Variants in KLRD1 observed in about 807,000 individuals in gnomAD.
KLRD1 encodes natural killer cells antigen CD94.
A neutral mutation model predicts 22.6 loss-of-function variants in KLRD1; 21 were observed. The observed-to-expected ratio is 0.93, with a 90% CI of 0.66 to 1.34. KLRD1 has a LOEUF of 1.34. Ranked by LOEUF, KLRD1 falls within the 40% of genes most tolerant of loss-of-function variation. KLRD1 has a pLI of 0.00. For missense variants in KLRD1, 183 were observed against 208.6 expected (o/e 0.88, Z 0.76); for synonymous variants, 59 against 71.1 (o/e 0.83, Z 0.85).
At chr12:10,255,512 G>A (rs1354558793) in intron 1 of KLRD1, among the ~76,000 whole-genome samples, 2 of 151,998 alleles carry the variant, frequency 1.3e-5, no homozygotes, top group Non-Finnish European at 1.5e-5. Flanking sequence ...GTTGCATCCC[G>A]TATGTTTTGG....
chr12:10,270,849 T>C (rs1949542832), intron 1 of KLRD1, among the ~76,000 whole-genome samples: 1 of 151,600 alleles, frequency 6.6e-6, no homozygotes, highest in Non-Finnish European at 1.5e-5. Context: ...AGTGGCGTGA[T>C]CTTGGCTCAT....
intron 1 of KLRD1, among the ~76,000 whole-genome samples, chr12:10,254,824 C>T (rs1002317641): frequency 4.5e-5 from 6 of 132,124 alleles, no homozygotes; most frequent in African/African-American, 1.4e-4. Context: ...ACCCAGGAGG[C>T]GGAGATTGCA....
At chr12:10,311,410 G>A (rs1448486566) in intron 3 of KLRD1, 54 bp from the exon 4 acceptor site, 1 of 1,530,724 alleles carries the variant, frequency 6.5e-7, no homozygotes, top group African/African-American at 1.4e-5. Flanking sequence ...AAATAGCATT[G>A]AAAAAAATGT....
chr12:10,270,118 G>A (rs1949536446), intron 1 of KLRD1, among the ~76,000 whole-genome samples: 1 of 151,952 alleles, frequency 6.6e-6, no homozygotes, highest in South Asian at 2.1e-4. Flanking sequence ...ATAGAATACT[G>A]GTACTATTTT....
In KLRD1 at chr12:10,293,695, A is replaced by T. The variant is rs949359651; in HGVS notation, c.-100-14283A>T. On this transcript the variant is annotated intron_variant, in intron 1 of 5. Transcript: ENST00000544747. ...GAGACAGGAAGTGAGCACATGCTTTAAAAAAAAAATGGCACTGATAGACTT... is the reference window on the plus strand; with the variant it reads ...GAGACAGGAAGTGAGCACATGCTTTTAAAAAAAAATGGCACTGATAGACTT... Among the ~76,000 whole-genome samples the T allele has an allele frequency of 5.3e-5, 8 of 150,342 alleles. 1 individual carries two copies. The highest frequency in any genetic ancestry group is 1.5e-4 in the African/African-American group (6 of 40,848).
chr12:10,312,055 T>TC (rs1175156769), intron 4 of KLRD1, among the ~76,000 whole-genome samples: 1 of 144,092 alleles, frequency 6.9e-6, no homozygotes. Context: ...TCTTTTCTTT[T>TC]TTTTTTTTTT....
At chr12:10,242,915 T>C (rs1057036945) in intron 1 of KLRD1, among the ~76,000 whole-genome samples, 6 of 152,214 alleles carry the variant, frequency 3.9e-5, no homozygotes, top group African/African-American at 1.4e-4. Context: ...TTTAAAAATG[T>C]GGTATATATA....
chr12:10,299,976 C>T (rs747785253), upstream of KLRD1, among the ~76,000 whole-genome samples: 1 of 152,292 alleles, frequency 6.6e-6, no homozygotes, highest in South Asian at 2.1e-4. Context: ...TGCAATTCCG[C>T]CACGACTTCA....
chr12:10,324,868 G>A lies in KLRD1; in HGVS notation c.*10075G>A, dbSNP rs1366616983. 9.8e-6 allele frequency: 1 copy of A among 102,182 alleles called. No homozygotes were observed. Among genetic ancestry groups the A allele is most frequent in the African/African-American group, 3.2e-5 (1 of 31,178 alleles). 6.3% of individuals were successfully genotyped at this position (102,182 alleles called of 1,614,324 possible). A position where few individuals can be genotyped will look rare whatever the true frequency, so the allele number is the denominator to read the frequency against. On this transcript the variant is annotated 3_prime_UTR_variant, in exon 6 of 6. Transcript: ENST00000336164. Reference sequence around the variant, plus strand: ...TTCATTTACACAGTTGATTCTAAGTGTATCTTTTATTGTTTAACCTGCCTA... The same window carrying A: ...TTCATTTACACAGTTGATTCTAAGTATATCTTTTATTGTTTAACCTGCCTA...
At chr12:10,254,999 A>G (rs1471468825) in intron 1 of KLRD1, among the ~76,000 whole-genome samples, 1 of 150,076 alleles carries the variant, frequency 6.7e-6, no homozygotes, top group African/African-American at 2.5e-5. Flanking sequence ...AAAAAGCTCA[A>G]CATCGCTGAT....
intron 1 of KLRD1, among the ~76,000 whole-genome samples, chr12:10,258,690 G>C (rs924659258): frequency 2.6e-5 from 4 of 152,140 alleles, no homozygotes; most frequent in Admixed American, 1.3e-4. Context: ...ATATGTCTCA[G>C]GGGGAGGAAA....
intron 1 of KLRD1, among the ~76,000 whole-genome samples, chr12:10,239,528 T>C (rs1202359325): frequency 2.0e-5 from 1 of 50,792 alleles, no homozygotes; most frequent in Non-Finnish European, 3.9e-5. Context: ...CCTTTCTTTC[T>C]TTCTTTCTTT....
At position 10,328,069 on chromosome 12, in the gene KLRD1, T is replaced by C. The variant is rs1022727492; in HGVS notation, c.*13276T>C. ...ACTGTTGAATTAATTTTGCTACTAC[T>C]TTGTTGAGGATTTTTGCATCTACGT... On this transcript the variant is annotated 3_prime_UTR_variant, in exon 6 of 6. Coordinates refer to ENST00000336164, the MANE Select transcript of KLRD1 (RefSeq NM_002262.5). 4 of 152,196 alleles carry C rather than the reference T, an allele frequency of 2.6e-5. No individual in the cohort carries two copies. The highest frequency in any genetic ancestry group is 9.7e-5 in the African/African-American group (4 of 41,450). The allele number at this position is 152,196 out of a possible 1,614,324, so 9.4% of individuals were successfully genotyped here.
chr12:10,291,692 G>T (rs1949772153), intron 1 of KLRD1, among the ~76,000 whole-genome samples: 1 of 150,486 alleles, frequency 6.6e-6, no homozygotes, highest in South Asian at 2.1e-4. Flanking sequence ...TGTTACATAG[G>T]TATACATGTG....
At chr12:10,288,493 T>C (rs1204051439) in intron 1 of KLRD1, among the ~76,000 whole-genome samples, 1 of 152,146 alleles carries the variant, frequency 6.6e-6, no homozygotes, top group African/African-American at 2.4e-5. Flanking sequence ...CCGTTAGAGG[T>C]AGAGGTAGAC....
chr12:10,280,435 T>C (rs550699714), intron 1 of KLRD1, among the ~76,000 whole-genome samples: 309 of 152,246 alleles, frequency 2.0e-3, no homozygotes, highest in Non-Finnish European at 4.0e-3. Flanking sequence ...TAATCAGAAC[T>C]TTGTTTTTAT....
At chr12:10,313,884 C>T (rs1950158726) in intron 5 of KLRD1, among the ~76,000 whole-genome samples, 1 of 152,112 alleles carries the variant, frequency 6.6e-6, no homozygotes, top group Non-Finnish European at 1.5e-5. Flanking sequence ...CCAGAAAGTG[C>T]AATGCATAAG....
At chr12:10,310,030 T>C (rs1048776499) in intron 3 of KLRD1, among the ~76,000 whole-genome samples, 1 of 152,238 alleles carries the variant, frequency 6.6e-6, no homozygotes, top group Non-Finnish European at 1.5e-5. Flanking sequence ...ACCTATACTT[T>C]TGCATCTCAC....
Position 10,329,141 on chromosome 12 carries a change from A to G in KLRD1, c.*14348A>G, listed in dbSNP as rs1328244165. Reference sequence around the variant, plus strand: ...ACCTTTCTTTTTTCTTAATGCAGATATTCATCACTATAAACTTTTCTTTTA... The same window carrying G: ...ACCTTTCTTTTTTCTTAATGCAGATGTTCATCACTATAAACTTTTCTTTTA... On this transcript the variant is annotated 3_prime_UTR_variant, in exon 6 of 6. Coordinates refer to ENST00000336164, the MANE Select transcript of KLRD1 (RefSeq NM_002262.5). The G allele has an allele frequency of 6.6e-6, 1 of 152,202 alleles. No homozygotes were observed. The highest frequency in any genetic ancestry group is 2.4e-5 in the African/African-American group (1 of 41,458). The allele number at this position is 152,202 out of a possible 1,614,324, so 9.4% of individuals were successfully genotyped here. A position where few individuals can be genotyped will look rare whatever the true frequency, so the allele number is the denominator to read the frequency against.
Sources: allele counts gnomAD v4.1 joint callset (sites outside exome capture counted in the v4.1 genomes callset), GRCh38; gene constraint gnomAD v4.1.1; transcripts MANE v1.5; gene names NCBI Gene and HGNC (gene_info 2026-07-23, HGNC 2026-07-21).